RANBP2: variants seen among roughly 807,000 people sequenced by gnomAD.
RANBP2 encodes the protein RAN binding protein 2.
In RANBP2, 57 loss-of-function variants were observed where a neutral mutation model predicts 303.6. The ratio of observed to expected loss-of-function variants is 0.19; its 90% CI spans 0.15 to 0.23. The LOEUF is 0.23. Among genes scored for constraint, RANBP2 ranks in the 10% least tolerant of loss-of-function variants. RANBP2 has a pLI of 1.00. For missense variants in RANBP2, 3,138 were observed against 3,780.8 expected, an observed-to-expected ratio of 0.83 and a Z score of 4.46; for synonymous variants, 1,167 against 1,301.5, an observed-to-expected ratio of 0.90 and a Z score of 2.23.
the RANBP2 span, among the ~76,000 whole-genome samples, chr2:109,070,884 C>T: frequency 1.3e-5 from 2 of 149,398 alleles, no homozygotes; most frequent in African/African-American, 2.5e-5. Context: ...AAATAGAGTG[C>T]GGCACCCCTC....
At chr2:109,376,274 A>G in the RANBP2 span, among the ~76,000 whole-genome samples, 4,951 of 152,348 alleles carry the variant, frequency 0.032, 189 homozygotes, top group African/African-American at 0.087. Flanking sequence ...GATGATGTCA[A>G]CAATACCAGG....
At chr2:109,574,528 C>A in the RANBP2 span, 11 of 1,034,306 alleles carry the variant, frequency 1.1e-5, no homozygotes, top group South Asian at 9.7e-5. Flanking sequence ...AATATTTTAA[C>A]AGTTAAAAAT....
chr2:108,732,622 A>C (rs1319443406), intron 4 of RANBP2, among the ~76,000 whole-genome samples: 1 of 152,188 alleles, frequency 6.6e-6, no homozygotes, highest in Non-Finnish European at 1.5e-5. Flanking sequence ...TCACGTGTAG[A>C]TTCATACCAC....
chr2:109,178,955 T>A, the RANBP2 span, among the ~76,000 whole-genome samples: 1 of 151,956 alleles, frequency 6.6e-6, no homozygotes, highest in Admixed American at 6.6e-5. Flanking sequence ...TTTTCGTGTT[T>A]GTGTGAAGGT....
the RANBP2 span, among the ~76,000 whole-genome samples, chr2:108,820,136 A>G: frequency 2.7e-4 from 41 of 152,208 alleles, no homozygotes; most frequent in Non-Finnish European, 5.1e-4. Context: ...GGCTGGGCAC[A>G]GTGGCTTACA....
At chr2:109,732,316 T>A in the RANBP2 span, among the ~76,000 whole-genome samples, 1 of 152,188 alleles carries the variant, frequency 6.6e-6, no homozygotes, top group African/African-American at 2.4e-5. Flanking sequence ...CGTTGGGAAC[T>A]GGTCACCTGC....
intron 1 of RANBP2, among the ~76,000 whole-genome samples, chr2:108,727,925 CTT>C (rs1456074576): frequency 6.6e-6 from 1 of 152,072 alleles, no homozygotes; most frequent in East Asian, 1.9e-4. Flanking sequence ...GCATTTTGGA[CTT>C]TGGAGTTTAT....
chr2:108,872,177 C>G, the RANBP2 span, among the ~76,000 whole-genome samples: 1 of 152,128 alleles, frequency 6.6e-6, no homozygotes, highest in African/African-American at 2.4e-5. Flanking sequence ...TTCATTGTTG[C>G]CTCGGAGAAT....
the RANBP2 span, among the ~76,000 whole-genome samples, chr2:109,474,670 CG>C: frequency 6.6e-6 from 1 of 152,230 alleles, no homozygotes; most frequent in Non-Finnish European, 1.5e-5. Context: ...TGGACAGCAT[CG>C]GGCCAGCCCC....
chr2:109,025,574 G>T, the RANBP2 span, among the ~76,000 whole-genome samples: 3 of 152,176 alleles, frequency 2.0e-5, no homozygotes, highest in Non-Finnish European at 4.4e-5. Context: ...TTGGGAGGCT[G>T]AGGCTGGCAG....
At chr2:109,535,764 TG>T in the RANBP2 span, among the ~76,000 whole-genome samples, 2 of 152,106 alleles carry the variant, frequency 1.3e-5, no homozygotes, top group African/African-American at 4.8e-5. Context: ...AGCATAGGTA[TG>T]TGGCAGCAGG....
the RANBP2 span, among the ~76,000 whole-genome samples, chr2:109,455,643 A>G: frequency 1.2e-3 from 177 of 152,344 alleles, no homozygotes; most frequent in Admixed American, 3.9e-3. Flanking sequence ...GTGGCCAGGC[A>G]GCTCTCTCTA....
At chr2:109,042,205 C>A in the RANBP2 span, among the ~76,000 whole-genome samples, 56 of 152,218 alleles carry the variant, frequency 3.7e-4, no homozygotes, top group African/African-American at 1.3e-3. Flanking sequence ...TCACTTTGTT[C>A]CAGCACACTG....
At chr2:109,130,085 C>T in the RANBP2 span, 8 of 1,363,274 alleles carry the variant, frequency 5.9e-6, no homozygotes, top group Admixed American at 3.5e-5. Flanking sequence ...CGGGAGCTGG[C>T]GACCAGCAGG....
chr2:109,022,287 C>T, the RANBP2 span, among the ~76,000 whole-genome samples: 36 of 152,294 alleles, frequency 2.4e-4, no homozygotes, highest in South Asian at 7.0e-3. Context: ...ACTGTGGTTC[C>T]CCCGCCCCAC....
At chr2:109,375,623 C>T in the RANBP2 span, among the ~76,000 whole-genome samples, 165 of 152,372 alleles carry the variant, frequency 1.1e-3, no homozygotes, top group Non-Finnish European at 2.1e-3. Flanking sequence ...AGGAATTCCT[C>T]CTCCCCAGTG....
At chr2:109,187,306 G>A in the RANBP2 span, among the ~76,000 whole-genome samples, 1 of 151,534 alleles carries the variant, frequency 6.6e-6, no homozygotes, top group Non-Finnish European at 1.5e-5. Context: ...AGTCTTTTCT[G>A]TTTAGTCTGA....
In RANBP2 at chr2:108,755,028, A is replaced by C. The variant is rs970293488; in HGVS notation, c.2326A>C (p.Lys776Gln). 8.1e-6 allele frequency: 13 copies of C among 1,611,824 alleles called. No individual in the cohort carries two copies. In the African/African-American group the frequency reaches 1.7e-4, roughly 22 times the overall value. Reference protein sequence around the residue: ...GSLRNADSEIKHSTPSPTRYS... With the variant: ...GSLRNADSEIQHSTPSPTRYS... ...TTTGCGAAATGCAGATTCAGAAATA[A>C]AACATTCTACACCGTCTCCTACCAG... is the stretch of plus-strand genomic sequence containing the variant. Residue 776 changes from lysine (K) to glutamine (Q), a missense_variant, in exon 16 of 29, where the codon AAA becomes CAA. Transcript: ENST00000283195.
At chr2:108,815,471 T>TG in the RANBP2 span, among the ~76,000 whole-genome samples, 11 of 137,954 alleles carry the variant, frequency 8.0e-5, no homozygotes, top group Admixed American at 2.9e-4. Context: ...GTTTTTTTTT[T>TG]TTTTTTTTTT....
Sources: gnomAD v4.1 joint callset for allele counts (sites outside exome capture counted in the v4.1 genomes callset) on GRCh38, gnomAD v4.1.1 for gene constraint, MANE v1.5 for transcripts, NCBI Gene and HGNC (gene_info 2026-07-23, HGNC 2026-07-21) for gene names.